Variants in MSI2 observed in about 807,000 individuals in gnomAD.
The protein encoded by MSI2 is RNA-binding protein Musashi homolog 2.
Under a neutral mutation model 45.6 loss-of-function variants are expected in MSI2, and 17 were observed. The observed-to-expected ratio is 0.37, with a 90% confidence interval of 0.26 to 0.56. The LOEUF is 0.56. Among genes scored for constraint, MSI2 ranks in the 20% least tolerant of loss-of-function variants. The pLI, the probability that MSI2 is intolerant of heterozygous loss-of-function variation, is 0.77. For synonymous variants in MSI2, 156 were observed against 158.2 expected, an observed-to-expected ratio of 0.99 and a Z score of 0.11; for missense variants, 293 against 444.2, an observed-to-expected ratio of 0.66 and a Z score of 3.06.
At chr17:57,365,483 G>C (rs564339893) in intron 5 of MSI2, among the ~76,000 whole-genome samples, 1 of 152,176 alleles carries the variant, frequency 6.6e-6, no homozygotes, top group African/African-American at 2.4e-5. Context: ...GATACTGCAC[G>C]GATCCTATGA....
At chr17:57,462,084 G>A (rs1180943470) in intron 6 of MSI2, among the ~76,000 whole-genome samples, 1 of 152,148 alleles carries the variant, frequency 6.6e-6, no homozygotes, top group Non-Finnish European at 1.5e-5. Flanking sequence ...TCTGTCCCAG[G>A]CCTCTCCCCT....
intron 5 of MSI2, among the ~76,000 whole-genome samples, chr17:57,375,239 C>T (rs1348007619): frequency 3.3e-5 from 5 of 152,150 alleles, no homozygotes; most frequent in African/African-American, 1.2e-4. Context: ...GTGTAGTGAT[C>T]AGCAAATTTA....
the MSI2 span, among the ~76,000 whole-genome samples, chr17:57,693,415 A>G: frequency 3.5e-5 from 3 of 85,976 alleles, no homozygotes; most frequent in Non-Finnish European, 6.7e-5. Context: ...CTCCTGGCCC[A>G]CCTGCCTCTG....
chr17:57,268,966 AAG>A (rs1908099612), intron 5 of MSI2, among the ~76,000 whole-genome samples: 1 of 152,186 alleles, frequency 6.6e-6, no homozygotes, highest in Non-Finnish European at 1.5e-5. Flanking sequence ...TCTTGTCTTT[AAG>A]AACATCATTA....
intron 6 of MSI2, among the ~76,000 whole-genome samples, chr17:57,429,126 C>T (rs572228141): frequency 6.6e-6 from 1 of 152,232 alleles, no homozygotes; most frequent in African/African-American, 2.4e-5. Flanking sequence ...ATCTGCGTGT[C>T]CTCAGTCTAA....
intron 5 of MSI2, among the ~76,000 whole-genome samples, chr17:57,371,799 T>C (rs2083425439): frequency 6.6e-6 from 1 of 151,926 alleles, no homozygotes; most frequent in Non-Finnish European, 1.5e-5. Context: ...ATCACTTCCT[T>C]AATATGTTTA....
At chr17:57,448,561 A>G (rs1396957443) in intron 6 of MSI2, 1 of 152,226 alleles carries the variant, frequency 6.6e-6, no homozygotes, top group Non-Finnish European at 1.5e-5. Flanking sequence ...AGTAACAAAC[A>G]TTCTATGCTG....
chr17:57,553,732 A>G (rs1447994315), intron 7 of MSI2, among the ~76,000 whole-genome samples: 1 of 152,152 alleles, frequency 6.6e-6, no homozygotes, highest in East Asian at 1.9e-4. Flanking sequence ...CCTGGCCAAG[A>G]GATAACCGGT....
At chr17:57,377,141 C>T (rs542267018) in intron 5 of MSI2, among the ~76,000 whole-genome samples, 8 of 152,210 alleles carry the variant, frequency 5.3e-5, no homozygotes, top group Middle Eastern at 3.4e-3. Flanking sequence ...AGGATGGTCT[C>T]GATCTCCTGA....
intron 6 of MSI2, among the ~76,000 whole-genome samples, chr17:57,424,256 T>C (rs1390909244): frequency 6.6e-6 from 1 of 152,252 alleles, no homozygotes; most frequent in African/African-American, 2.4e-5. Context: ...GCAGTCTCTC[T>C]AATACTCCAA....
chr17:57,293,469 T>G (rs1910622264), intron 5 of MSI2, among the ~76,000 whole-genome samples: 1 of 152,198 alleles, frequency 6.6e-6, no homozygotes, highest in Non-Finnish European at 1.5e-5. Flanking sequence ...GCAACAGCGC[T>G]TGGCTGTACC....
At chr17:57,333,551 C>T (rs1202521438) in intron 5 of MSI2, among the ~76,000 whole-genome samples, 1 of 151,960 alleles carries the variant, frequency 6.6e-6, no homozygotes, top group Non-Finnish European at 1.5e-5. Context: ...GATTCTCCTG[C>T]ATCAGCCTCC....
chr17:57,647,132 TC>T, intron 10 of MSI2, among the ~76,000 whole-genome samples: 1 of 151,930 alleles, frequency 6.6e-6, no homozygotes, highest in Middle Eastern at 3.4e-3. Flanking sequence ...ACCACTGTAA[TC>T]AATAAGAAAT....
chr17:57,355,630 C>T (rs1250392932), intron 5 of MSI2, among the ~76,000 whole-genome samples: 1 of 152,166 alleles, frequency 6.6e-6, no homozygotes, highest in Non-Finnish European at 1.5e-5. Flanking sequence ...TGATCATGAC[C>T]ACATGATTCT....
intron 7 of MSI2, among the ~76,000 whole-genome samples, chr17:57,540,903 T>C (rs1045253912): frequency 1.3e-5 from 2 of 152,162 alleles, no homozygotes; most frequent in Admixed American, 6.5e-5. Context: ...AAAGCAGAGT[T>C]TCCTGCCCAG....
chr17:57,495,227 A>C (rs917458882), intron 6 of MSI2, among the ~76,000 whole-genome samples: 1 of 152,190 alleles, frequency 6.6e-6, no homozygotes, highest in African/African-American at 2.4e-5. Flanking sequence ...GGATCCTCAC[A>C]GCTGCCTTTG....
intron 7 of MSI2, among the ~76,000 whole-genome samples, chr17:57,574,280 G>A (rs900238191): frequency 1.3e-5 from 2 of 152,142 alleles, no homozygotes; most frequent in Non-Finnish European, 1.5e-5. Context: ...CTTCTCTCTC[G>A]TCACTATTTG....
At chr17:57,335,817 G>A (rs966428816) in intron 5 of MSI2, among the ~76,000 whole-genome samples, 4 of 152,222 alleles carry the variant, frequency 2.6e-5, no homozygotes, top group African/African-American at 9.6e-5. Context: ...GGAGCACAGT[G>A]ATGGCAAAGG....
At chr17:57,425,071 C>T (rs773954727) in intron 6 of MSI2, among the ~76,000 whole-genome samples, 14 of 152,154 alleles carry the variant, frequency 9.2e-5, no homozygotes, top group Non-Finnish European at 1.9e-4. Flanking sequence ...AAATCATGGG[C>T]TATAAAAGCC....
Sources: gnomAD v4.1 joint callset for allele counts (sites outside exome capture counted in the v4.1 genomes callset) on GRCh38, gnomAD v4.1.1 for gene constraint, MANE v1.5 for transcripts, NCBI Gene and HGNC (gene_info 2026-07-23, HGNC 2026-07-21) for gene names.